Variants in ST18 observed in about 807,000 individuals in gnomAD.
ST18 encodes ST18 C2H2C-type zinc finger transcription factor, also known as suppression of tumorigenicity 18 protein.
Under a neutral mutation model 110.0 loss-of-function variants are expected in ST18, and 50 were observed. The observed-to-expected ratio is 0.45, with a 90% CI of 0.36 to 0.58. The LOEUF is 0.58. ST18 is among the 20% of genes least tolerant of loss of function. The probability of loss-of-function intolerance (pLI) is 0.00; values close to 1 mark genes in which losing one functional copy is unlikely to be tolerated. For synonymous variants in ST18, 461 were observed against 452.4 expected, an observed-to-expected ratio of 1.02 and a Z score of -0.24; for missense variants, 1,306 against 1,280.1, an observed-to-expected ratio of 1.02 and a Z score of -0.31.
chr8:52,143,323 A>C lies in ST18; in HGVS notation c.2053-278T>G, dbSNP rs527717004. 3.9e-5 allele frequency among the ~76,000 whole-genome samples: 6 copies of C among 152,294 alleles called. No individual in the cohort carries two copies. The South Asian group carries it at 8.3e-4, about 21-fold the overall frequency. ...AACATGGTGAAATCCCGTCTCTACC[A>C]AAAATACAAAAATTTGCTGGACGCT... is the stretch of plus-strand genomic sequence containing the variant. On this transcript the variant is annotated intron_variant, in intron 16 of 25. Coordinates refer to ENST00000689386, the MANE Select transcript of ST18 (RefSeq NM_001352837.2).
chr8:52,316,827 A>G (rs181134255), intron 2 of ST18, among the ~76,000 whole-genome samples: 1 of 152,250 alleles, frequency 6.6e-6, no homozygotes, highest in East Asian at 1.9e-4. Flanking sequence ...TTCTTATTTT[A>G]CTGTATTAGC....
chr8:52,255,750 T>A (rs767147851), intron 2 of ST18, among the ~76,000 whole-genome samples: 1 of 152,218 alleles, frequency 6.6e-6, no homozygotes, highest in African/African-American at 2.4e-5. Context: ...TAGAAGAGAA[T>A]AGCTGTGAAA....
intron 2 of ST18, among the ~76,000 whole-genome samples, chr8:52,403,157 G>T (rs987613184): frequency 5.3e-5 from 8 of 152,038 alleles, no homozygotes; most frequent in Non-Finnish European, 1.0e-4. Flanking sequence ...TTGTTCCCAG[G>T]GGGTATGGAG....
At chr8:52,377,259 A>C (rs1466675899) in intron 2 of ST18, among the ~76,000 whole-genome samples, 1 of 152,252 alleles carries the variant, frequency 6.6e-6, no homozygotes, top group East Asian at 1.9e-4. Context: ...TAAAGAACCC[A>C]TAGGACAACT....
chr8:52,174,626 C>T (rs1238753542), intron 9 of ST18, among the ~76,000 whole-genome samples: 2 of 152,192 alleles, frequency 1.3e-5, no homozygotes, highest in Non-Finnish European at 2.9e-5. Flanking sequence ...CACGACAATG[C>T]ATTTCACTGT....
chr8:52,193,612 T>C (rs2075281014), intron 8 of ST18, among the ~76,000 whole-genome samples: 1 of 152,210 alleles, frequency 6.6e-6, no homozygotes, highest in South Asian at 2.1e-4. Flanking sequence ...ACACAATCTG[T>C]ACATGGCTAA....
intron 2 of ST18, among the ~76,000 whole-genome samples, chr8:52,375,952 T>A (rs567714819): frequency 6.6e-6 from 1 of 152,214 alleles, no homozygotes; most frequent in East Asian, 1.9e-4. Context: ...ACTACTCCGC[T>A]CACATCCCAT....
intron 2 of ST18, among the ~76,000 whole-genome samples, chr8:52,291,274 A>T (rs2095551844): frequency 6.6e-6 from 1 of 152,222 alleles, no homozygotes; most frequent in African/African-American, 2.4e-5. Flanking sequence ...CATGTCACAC[A>T]GGCTGTTTCT....
intron 25 of ST18, among the ~76,000 whole-genome samples, chr8:52,114,568 G>A (rs2041845763): frequency 1.3e-5 from 2 of 152,144 alleles, no homozygotes; most frequent in Non-Finnish European, 2.9e-5. Flanking sequence ...TGCTCTGCTC[G>A]GCAAAGCGCT....
At chr8:52,359,761 A>T (rs1824850167) in intron 2 of ST18, among the ~76,000 whole-genome samples, 2 of 152,182 alleles carry the variant, frequency 1.3e-5, no homozygotes, top group Non-Finnish European at 2.9e-5. Flanking sequence ...GGAGCAAAAA[A>T]TAAAGCAGGG....
chr8:52,305,483 G>T (rs1296971780), intron 2 of ST18, among the ~76,000 whole-genome samples: 1 of 152,202 alleles, frequency 6.6e-6, no homozygotes, highest in Admixed American at 6.5e-5. Flanking sequence ...TGTAGCTCCT[G>T]CTTGGACCTC....
intron 8 of ST18, among the ~76,000 whole-genome samples, chr8:52,194,072 A>C (rs1384889803): frequency 1.3e-5 from 2 of 152,290 alleles, no homozygotes; most frequent in East Asian, 3.9e-4. Flanking sequence ...AAGCTAATAA[A>C]TGCTTTTTTT....
intron 23 of ST18, among the ~76,000 whole-genome samples, chr8:52,123,516 T>C (rs2045825398): frequency 6.6e-6 from 1 of 152,206 alleles, no homozygotes; most frequent in Non-Finnish European, 1.5e-5. Flanking sequence ...GTGGCCTTTT[T>C]CTCATGCAAA....
intron 23 of ST18, among the ~76,000 whole-genome samples, chr8:52,122,829 AT>A (rs5891449): frequency 0.42 from 63,589 of 151,314 alleles, 17,277 homozygotes; most frequent in African/African-American, 0.77. Flanking sequence ...AAATTGTACT[AT>A]TTTTTTTTAT....
intron 8 of ST18, among the ~76,000 whole-genome samples, chr8:52,209,679 A>G (rs931477658): frequency 4.0e-5 from 6 of 150,964 alleles, no homozygotes; most frequent in African/African-American, 1.5e-4. Flanking sequence ...CTGAGGCAAG[A>G]GAATCACTTG....
intron 15 of ST18, chr8:52,154,903 G>C (rs1587153301): frequency 6.7e-6 from 1 of 148,292 alleles, no homozygotes; most frequent in African/African-American, 2.5e-5. Context: ...AGAAAAAAAA[G>C]TTTTAGAATC....
At chr8:52,367,315 G>A (rs1590308123) in intron 2 of ST18, among the ~76,000 whole-genome samples, 1 of 150,610 alleles carries the variant, frequency 6.6e-6, no homozygotes, top group East Asian at 2.0e-4. Context: ...TCTGTTACTC[G>A]GGAGGCTGAA....
intron 2 of ST18, among the ~76,000 whole-genome samples, chr8:52,376,221 C>T (rs1041598766): frequency 2.6e-5 from 4 of 152,162 alleles, no homozygotes; most frequent in Non-Finnish European, 5.9e-5. Flanking sequence ...AACACTCTTA[C>T]AGTGACCTCT....
Position 52,153,696 on chromosome 8 carries a change from T to G in ST18, c.1807-3719A>C, listed in dbSNP as rs570217241. ...TGGGACTTGGAATCATGGTCCACGC[T>G]GCTTGGCCAGCAGCTTAGCTACTCT... On this transcript the variant is annotated intron_variant, in intron 15 of 25. Transcript: ENST00000689386. Among the ~76,000 whole-genome samples, 7 of 152,356 alleles carry G rather than the reference T, an allele frequency of 4.6e-5. No homozygotes were observed. In the East Asian group the frequency reaches 1.3e-3, roughly 29 times the overall value.
Sources: allele counts gnomAD v4.1 joint callset (sites outside exome capture counted in the v4.1 genomes callset), GRCh38; gene constraint gnomAD v4.1.1; transcripts MANE v1.5; gene names NCBI Gene and HGNC (gene_info 2026-07-23, HGNC 2026-07-21).